WDR20: variants seen among roughly 807,000 people sequenced by gnomAD.
WDR20 encodes WD repeat-containing protein 20.
In WDR20, 3 loss-of-function variants were observed where a neutral mutation model predicts 38.7. That is an observed-to-expected ratio of 0.08 (90% CI 0.04 to 0.20). The LOEUF (loss-of-function observed/expected upper bound fraction) is 0.20. Among genes scored for constraint, WDR20 ranks in the 10% least tolerant of loss-of-function variants. The pLI is 1.00. For missense variants in WDR20, 559 were observed against 727.7 expected (o/e 0.77, Z 2.67); for synonymous variants, 298 against 285.6 (o/e 1.04, Z -0.44).
Position 102,195,073 on chromosome 14 carries a change from C to T in WDR20, c.385C>T (p.Leu129Phe), listed in dbSNP as rs2059183998. The T allele has an allele frequency of 6.2e-7, 1 of 1,614,050 alleles. No individual in the cohort carries two copies. The highest frequency in any genetic ancestry group is 1.3e-5 in the African/African-American group (1 of 74,918). Residue 129 changes from leucine to phenylalanine, a missense_variant, in exon 2 of 3, where the codon CTT (leucine) becomes TTT (phenylalanine). Coordinates refer to ENST00000342702, the MANE Select transcript of WDR20 (RefSeq NM_144574.4). ...GGGCTTTTCCGCAGGCCAAGTCCAG[C>T]TTATAGACCCAATCAAAAAAGAAAC... ...LVGFSAGQVQLIDPIKKETSK... is the reference protein window; with the variant it reads ...LVGFSAGQVQFIDPIKKETSK...
intron 2 of WDR20, among the ~76,000 whole-genome samples, chr14:102,206,529 C>T (rs548281560): frequency 1.3e-5 from 2 of 152,268 alleles, no homozygotes; most frequent in East Asian, 1.9e-4. Flanking sequence ...AATTTCTCCA[C>T]ACATGGTAAA....
intron 2 of WDR20, among the ~76,000 whole-genome samples, chr14:102,195,557 A>C (rs938176651): frequency 3.9e-5 from 6 of 152,262 alleles, no homozygotes; most frequent in African/African-American, 4.8e-5. Context: ...TCATTTGGCT[A>C]AGGAGTACTT....
chr14:102,215,719 T>TGCTTAAG (rs1424500222), downstream of WDR20, among the ~76,000 whole-genome samples: 4 of 152,204 alleles, frequency 2.6e-5, no homozygotes, highest in Non-Finnish European at 5.9e-5. Context: ...TAAGGCTTTG[T>TGCTTAAG]GCTGGCGTGA....
exon 4 of WDR20, chr14:102,223,070 G>T (rs1342788265): frequency 1.7e-6 from 1 of 571,728 alleles, no homozygotes; most frequent in African/African-American, 1.9e-5. Flanking sequence ...CAAAGAAGTT[G>T]TTTCCATTTT....
intron 2 of WDR20, among the ~76,000 whole-genome samples, chr14:102,200,470 TGTGTGTGTGTGTG>T (rs1567024391): frequency 2.3e-4 from 18 of 78,832 alleles, no homozygotes; most frequent in Non-Finnish European, 4.3e-4. Flanking sequence ...TTTTTTTTTG[TGTGTGTGTGTGTG>T]TGTGTGTGTG....
downstream of WDR20, chr14:102,213,058 G>C: frequency 1.0e-6 from 1 of 989,360 alleles, no homozygotes; most frequent in South Asian, 4.6e-5. Context: ...GGCGGTGTCA[G>C]ACACCTTCTG....
chr14:102,176,133 G>T (rs577706376), intron 1 of WDR20, among the ~76,000 whole-genome samples: 1 of 152,202 alleles, frequency 6.6e-6, no homozygotes, highest in Non-Finnish European at 1.5e-5. Context: ...GGTGGCTCAC[G>T]CCTGTAATCT....
downstream of WDR20, among the ~76,000 whole-genome samples, chr14:102,218,742 G>C (rs1374048663): frequency 6.6e-6 from 1 of 152,174 alleles, no homozygotes; most frequent in African/African-American, 2.4e-5. Context: ...GCCAAGGCTT[G>C]CCCCGTTCCT....
intron 1 of WDR20, chr14:102,171,620 A>G (rs931838420): frequency 6.6e-6 from 1 of 151,828 alleles, no homozygotes; most frequent in Non-Finnish European, 1.5e-5. Context: ...TGAGTGGTGT[A>G]AGACCAGTTA....
At chr14:102,152,467 T>C (rs1010250611) in intron 1 of WDR20, among the ~76,000 whole-genome samples, 1 of 149,028 alleles carries the variant, frequency 6.7e-6, no homozygotes, top group East Asian at 2.0e-4. Context: ...CAGGCTGGAG[T>C]ACAGTGGGGT....
At chr14:102,142,317 CTGAGTA>C (rs751279315) in intron 1 of WDR20, among the ~76,000 whole-genome samples, 25 of 151,890 alleles carry the variant, frequency 1.6e-4, no homozygotes, top group Non-Finnish European at 3.1e-4. Flanking sequence ...GTTGTTATTT[CTGAGTA>C]TAAGTGACTT....
chr14:102,184,676 C>T (rs536784519), intron 1 of WDR20, among the ~76,000 whole-genome samples: 9 of 152,228 alleles, frequency 5.9e-5, no homozygotes, highest in East Asian at 3.9e-4. Context: ...TTTTACTTAA[C>T]GCATGTTACG....
At chr14:102,139,688 G>T, upstream of WDR20, 1 of 674,970 alleles carries the variant, frequency 1.5e-6, no homozygotes, top group South Asian at 2.0e-5. Flanking sequence ...GCCACACCCG[G>T]GGGAGGAGCC....
chr14:102,158,066 C>T (rs2057833428), intron 1 of WDR20, among the ~76,000 whole-genome samples: 1 of 152,020 alleles, frequency 6.6e-6, no homozygotes, highest in Admixed American at 6.6e-5. Flanking sequence ...CAAGCATTAC[C>T]CCTGTTCCAG....
intron 1 of WDR20, among the ~76,000 whole-genome samples, chr14:102,176,432 C>T (rs2062095960): frequency 6.6e-6 from 1 of 151,996 alleles, no homozygotes; most frequent in African/African-American, 2.4e-5. Context: ...GGCGTGGTGG[C>T]TCACGCCTGT....
intron 1 of WDR20, among the ~76,000 whole-genome samples, chr14:102,173,463 TA>T (rs1227079602): frequency 2.0e-4 from 29 of 145,608 alleles, no homozygotes; most frequent in South Asian, 2.1e-4. Context: ...TTATTATTAT[TA>T]TTATTATTAT....
chr14:102,205,684 C>T (rs1457792988), intron 2 of WDR20, among the ~76,000 whole-genome samples: 4 of 152,034 alleles, frequency 2.6e-5, no homozygotes, highest in Non-Finnish European at 5.9e-5. Flanking sequence ...ATTGCTGAGA[C>T]ACAGGGCGCC....
In WDR20 at chr14:102,222,745, C is replaced by T. The variant is rs1296656788; in HGVS notation, c.1693-85C>T. ...ACATCAACAGCACCAGTTTTGACCA[C>T]GTGGAGCTGCTGGCGGAGGGCGCGC... On this transcript the variant is annotated intron_variant, in intron 3 of 3. Coordinates refer to the WDR20 transcript ENST00000335263. This position sits in a 1 kb window ranked among gnomAD's most constrained non-coding sequence, Gnocchi z 4.4. 4.1e-6 allele frequency: 6 copies of T among 1,467,078 alleles called. No individual in the cohort carries two copies. The highest frequency in any genetic ancestry group is 3.4e-5 in the Admixed American group (2 of 59,102). 90.9% of individuals were successfully genotyped at this position (1,467,078 alleles called of 1,614,324 possible).
At chr14:102,216,888 GCGCCACTGCA>G (rs535273360), downstream of WDR20, among the ~76,000 whole-genome samples, 738 of 152,206 alleles carry the variant, frequency 4.8e-3, 6 homozygotes, top group African/African-American at 0.017. Flanking sequence ...AGTCGAGATG[GCGCCACTGCA>G]CTCCAGCCTG....
Sources: allele counts gnomAD v4.1 joint callset (sites outside exome capture counted in the v4.1 genomes callset), GRCh38; gene constraint gnomAD v4.1.1; non-coding constraint Gnocchi (gnomAD v3.1); transcripts MANE v1.5; gene names NCBI Gene and HGNC (gene_info 2026-07-23, HGNC 2026-07-21).